The following PLEK variants were observed in gnomAD, a reference collection of about 807,000 sequenced individuals.
PLEK encodes pleckstrin.
PLEK carries 25 observed loss-of-function variants against 43.9 expected under a neutral mutation model. The observed-to-expected ratio is 0.57, with a 90% CI of 0.41 to 0.79. The LOEUF is 0.79. Among genes scored for constraint, PLEK ranks in the 30% least tolerant of loss-of-function variants. The pLI is 0.00. For missense variants in PLEK, 396 were observed against 413.3 expected, an observed-to-expected ratio of 0.96 and a Z score of 0.36; for synonymous variants, 152 against 144.4, an observed-to-expected ratio of 1.05 and a Z score of -0.38.
At chr2:68,367,852 A>G (rs925473672) in intron 1 of PLEK, among the ~76,000 whole-genome samples, 13 of 152,202 alleles carry the variant, frequency 8.5e-5, no homozygotes, top group African/African-American at 2.9e-4. Context: ...GAAAAATAAT[A>G]TAGTGAATCT....
chr2:68,391,423 A>G (rs922743103), intron 6 of PLEK, among the ~76,000 whole-genome samples: 4 of 152,368 alleles, frequency 2.6e-5, no homozygotes, highest in African/African-American at 7.2e-5. Context: ...GAAGGGCAAC[A>G]TTAGTTAAGG....
At chr2:68,367,660 A>G (rs1673309866) in intron 1 of PLEK, among the ~76,000 whole-genome samples, 1 of 152,228 alleles carries the variant, frequency 6.6e-6, no homozygotes, top group South Asian at 2.1e-4. Context: ...GCTGCATAAG[A>G]CACTGATTAT....
At chr2:68,378,778 T>C (rs954878085) in intron 1 of PLEK, among the ~76,000 whole-genome samples, 5 of 152,204 alleles carry the variant, frequency 3.3e-5, no homozygotes, top group African/African-American at 1.2e-4. Flanking sequence ...ATCATTTTAG[T>C]GCTGGGAACT....
rs140031536 is a variant in PLEK, at chr2:68,367,422, C to T, written c.42+2029C>T. Among the ~76,000 whole-genome samples the T allele has an allele frequency of 4.6e-4, 70 of 152,280 alleles. 1 individual carries two copies. The highest frequency in any genetic ancestry group is 1.2e-3 in the African/African-American group (48 of 41,548). On this transcript the variant is annotated intron_variant, in intron 1 of 8. Transcript: ENST00000234313. ...ATTTTTTCTGATCCTCTCCCTTCTC[C>T]AACCCTCCACTCTCACATAGCTTCC...
chr2:68,379,491 T>C (rs1202609113), intron 1 of PLEK, among the ~76,000 whole-genome samples: 1 of 151,784 alleles, frequency 6.6e-6, no homozygotes, highest in African/African-American at 2.4e-5. Context: ...ATTAAACATG[T>C]AAAAATAAAT....
chr2:68,387,788 T>G (rs935371286), intron 5 of PLEK, among the ~76,000 whole-genome samples: 4 of 149,358 alleles, frequency 2.7e-5, no homozygotes, highest in Non-Finnish European at 6.0e-5. Context: ...TTTTTTTTTT[T>G]CTTCAGTCCT....
chr2:68,387,687 G>C (rs1426656699), intron 5 of PLEK, among the ~76,000 whole-genome samples: 2 of 152,096 alleles, frequency 1.3e-5, no homozygotes, highest in African/African-American at 4.8e-5. Flanking sequence ...CAGAATTTAG[G>C]AAGTTACCTA....
chr2:68,385,151 C>T (rs1178600884), intron 4 of PLEK, among the ~76,000 whole-genome samples: 1 of 152,166 alleles, frequency 6.6e-6, no homozygotes, highest in Non-Finnish European at 1.5e-5. Context: ...CATAATAGTA[C>T]GTATTTATGG....
intron 1 of PLEK, among the ~76,000 whole-genome samples, chr2:68,371,759 G>C (rs150133955): frequency 6.6e-6 from 1 of 151,584 alleles, no homozygotes; most frequent in Non-Finnish European, 1.5e-5. Flanking sequence ...CCTTGCTTTC[G>C]ATCTTACACT....
intron 2 of PLEK, 31 bp from the exon 3 acceptor site, chr2:68,380,692 C>T (rs1573075208): frequency 6.2e-7 from 1 of 1,603,236 alleles, no homozygotes; most frequent in Non-Finnish European, 8.5e-7. Context: ...TGAAATAAGC[C>T]ATTTCTAATG....
At chr2:68,393,051 A>C (rs1163388806) in intron 6 of PLEK, 111 bp from the exon 7 acceptor site, 1 of 774,144 alleles carries the variant, frequency 1.3e-6, no homozygotes, top group Admixed American at 1.8e-5. Flanking sequence ...TTAGTATTTC[A>C]TTTTCTCTTT....
intron 1 of PLEK, among the ~76,000 whole-genome samples, chr2:68,374,120 A>T (rs1031119): frequency 0.53 from 80,176 of 152,040 alleles, 22,692 homozygotes; most frequent in East Asian, 0.76. Flanking sequence ...CACATATCAT[A>T]TTAGGTTGAG....
intron 5 of PLEK, among the ~76,000 whole-genome samples, chr2:68,387,238 T>C (rs1673766566): frequency 6.6e-6 from 1 of 152,180 alleles, no homozygotes. Context: ...ACTCCTGACC[T>C]CAAGTGATCC....
At chr2:68,372,509 G>A (rs567183465) in intron 1 of PLEK, among the ~76,000 whole-genome samples, 10 of 151,956 alleles carry the variant, frequency 6.6e-5, no homozygotes, top group South Asian at 2.1e-4. Flanking sequence ...CAAATCTGCC[G>A]TTCTTTATGA....
chr2:68,379,061 C>G (rs10189903), intron 1 of PLEK, among the ~76,000 whole-genome samples: 121,378 of 152,168 alleles, frequency 0.8, 49,128 homozygotes, highest in East Asian at 0.92. Flanking sequence ...TTGAACCTGA[C>G]AGGCGGAGCT....
At chr2:68,369,019 A>G (rs1445403512) in intron 1 of PLEK, among the ~76,000 whole-genome samples, 30 of 152,228 alleles carry the variant, frequency 2.0e-4, no homozygotes, top group Non-Finnish European at 4.4e-5. Flanking sequence ...GTCCTGGCCC[A>G]GGAGTTCTTT....
At chr2:68,375,338 G>A (rs560164346) in intron 1 of PLEK, among the ~76,000 whole-genome samples, 8 of 152,252 alleles carry the variant, frequency 5.3e-5, no homozygotes, top group African/African-American at 1.9e-4. Context: ...CTTTACTAAA[G>A]TGCCTGCTCG....
chr2:68,376,728 G>T lies in PLEK; in HGVS notation c.43-3600G>T, dbSNP rs553728592. On this transcript the variant is annotated intron_variant, in intron 1 of 8. Transcript: ENST00000234313. ...AGTAATAATAACACCATGGAGAATG[G>T]GGTATCCATCCCCACTAAGCATTTA... Among the ~76,000 whole-genome samples, 7 of 152,160 alleles carry T rather than the reference G, an allele frequency of 4.6e-5. No individual in the cohort carries two copies. The East Asian group carries it at 1.2e-3, about 25-fold the overall frequency.
chr2:68,374,791 C>G (rs961482115), intron 1 of PLEK, among the ~76,000 whole-genome samples: 1 of 152,172 alleles, frequency 6.6e-6, no homozygotes, highest in African/African-American at 2.4e-5. Context: ...GCTTTTCACT[C>G]AACATCTATG....
Sources: gnomAD v4.1 joint callset for allele counts (sites outside exome capture counted in the v4.1 genomes callset) on GRCh38, gnomAD v4.1.1 for gene constraint, MANE v1.5 for transcripts, NCBI Gene and HGNC (gene_info 2026-07-23, HGNC 2026-07-21) for gene names.